PLCG2: variants seen among roughly 807,000 people sequenced by gnomAD.
PLCG2 encodes the protein phospholipase C gamma 2.
In PLCG2, 69 loss-of-function variants were observed where a neutral mutation model predicts 175.6. The observed-to-expected ratio is 0.39, with a 90% confidence interval of 0.32 to 0.48. PLCG2 has a LOEUF of 0.48. PLCG2 is among the 20% of genes least tolerant of loss of function. The pLI is 0.91. For missense variants in PLCG2, 1,798 were observed against 1,650.9 expected, an observed-to-expected ratio of 1.09 and a Z score of -1.54; for synonymous variants, 827 against 624.0, an observed-to-expected ratio of 1.33 and a Z score of -4.85.
intron 2 of PLCG2, among the ~76,000 whole-genome samples, chr16:81,801,913 A>G (rs1181238087): frequency 1.3e-5 from 2 of 151,606 alleles, no homozygotes; most frequent in East Asian, 3.9e-4. Flanking sequence ...ACTCCTGACC[A>G]CAAGTGATCC....
At chr16:81,894,261 A>G (rs977464165) in intron 12 of PLCG2, among the ~76,000 whole-genome samples, 2 of 152,018 alleles carry the variant, frequency 1.3e-5, no homozygotes, top group Admixed American at 6.5e-5. Flanking sequence ...AGATCGTATC[A>G]TTACGAAAAG....
Position 81,900,727 on chromosome 16 carries a change from A to T in PLCG2, c.1309A>T (p.Ser437Cys), listed in dbSNP as rs200137340. ...GCTGTTGACGAAGCCCACGGAGGCC[A>T]GTGCTGACCAGCTGCCCTCGCCCAG... Reference protein sequence around the residue: ...DLLLTKPTEASADQLPSPSQL... With the variant: ...DLLLTKPTEACADQLPSPSQL... The change falls in exon 14 of 33, where the codon AGT becomes TGT. Residue 437 changes from serine to cysteine, a missense_variant. Physicochemically the swap from Ser to Cys is moderately radical, Grantham distance 112. Transcript: ENST00000564138. The T allele has an allele frequency of 6.2e-7, 1 of 1,611,742 alleles. No individual in the cohort carries two copies. The highest frequency in any genetic ancestry group is 8.5e-7 in the Non-Finnish European group (1 of 1,177,972).
rs572887218 is a variant in PLCG2, at chr16:81,861,045, AAAAACC to A, written c.479+1904_479+1909del. Among the ~76,000 whole-genome samples the A allele has an allele frequency of 6.1e-3, 924 of 152,216 alleles. 5 individuals carry two copies. The highest frequency in any genetic ancestry group is 0.034 in the Middle Eastern group (10 of 292). ...ACCCACCACGACAAGAAAAAACCAA[AAAAACC>A]AAAACCAAAACCAAAACCAAACCCT... On this transcript the variant is annotated intron_variant, in intron 5 of 32. Coordinates refer to ENST00000564138, the MANE Select transcript of PLCG2 (RefSeq NM_002661.5).
intron 7 of PLCG2, among the ~76,000 whole-genome samples, chr16:81,876,136 C>T (rs947353836): frequency 9.3e-5 from 14 of 149,948 alleles, no homozygotes; most frequent in African/African-American, 2.9e-4. Context: ...GATGATTCTC[C>T]CACCTCAGCC....
upstream of PLCG2, among the ~76,000 whole-genome samples, chr16:81,777,089 C>A (rs1305435312): frequency 6.6e-6 from 1 of 150,670 alleles, no homozygotes; most frequent in African/African-American, 2.5e-5. Context: ...CATTTTAACT[C>A]AAAAATACTA....
At position 81,889,176 on chromosome 16, in the gene PLCG2, A is replaced by T. The variant is rs45443101; in HGVS notation, c.770A>T (p.His257Leu). 0.035 allele frequency: 54,784 copies of T among 1,584,662 alleles called. 1,191 individuals are homozygous for T. Among genetic ancestry groups the T allele is most frequent in the Non-Finnish European group, 0.041 (47,304 of 1,157,690 alleles). ...CGTTCTCTTTGTCATTTTAAGGAGC[A>T]TTGGGCTCAGGATCTGAACAAAGTC... ...QRFLIHEQQE[H>L]WAQDLNKVRE... is the part of the protein sequence containing the mutation. The change falls in exon 10 of 33, where the codon CAT (histidine) becomes CTT (leucine). Residue 257 changes from histidine to leucine, a missense_variant. By Grantham distance (99) the His-to-Leu change is moderately conservative. Transcript: ENST00000564138.
rs1056323051 is a variant in PLCG2, at chr16:81,950,438, A to G, written c.3570+4175A>G. ...ATAAGACAAAAATTCCTACATATACAAAGACAACTGTATAAAGAAAAAATC... is the reference window on the plus strand; with the variant it reads ...ATAAGACAAAAATTCCTACATATACGAAGACAACTGTATAAAGAAAAAATC... On this transcript the variant is annotated intron_variant, in intron 31 of 32. Coordinates refer to ENST00000564138, the MANE Select transcript of PLCG2 (RefSeq NM_002661.5). Among the ~76,000 whole-genome samples the G allele has an allele frequency of 1.4e-4, 22 of 152,354 alleles. No individual in the cohort carries two copies. The East Asian group carries it at 2.5e-3, about 17-fold the overall frequency.
chr16:81,842,114 G>A (rs1333899258), intron 2 of PLCG2, among the ~76,000 whole-genome samples: 2 of 152,216 alleles, frequency 1.3e-5, no homozygotes, highest in African/African-American at 4.8e-5. Flanking sequence ...GGGATGCAAC[G>A]TGCCTGGTTC....
intron 31 of PLCG2, among the ~76,000 whole-genome samples, chr16:81,950,463 C>A (rs1214694490): frequency 6.6e-6 from 1 of 152,078 alleles, no homozygotes; most frequent in Non-Finnish European, 1.5e-5. Flanking sequence ...AAGAAAAAAT[C>A]TTTCAGAATT....
chr16:81,785,916 G>T (rs184923289), intron 1 of PLCG2, 27 bp from the exon 2 acceptor site: 2 of 1,399,906 alleles, frequency 1.4e-6, no homozygotes, highest in African/African-American at 2.9e-5. Context: ...ACTAAAATCA[G>T]TTCACTCTTT....
chr16:81,837,634 C>T (rs1290716718), intron 2 of PLCG2, among the ~76,000 whole-genome samples: 1 of 151,348 alleles, frequency 6.6e-6, no homozygotes, highest in Non-Finnish European at 1.5e-5. Context: ...TCTCAGTTCC[C>T]TTTCCGTCTT....
At chr16:81,833,406 G>A (rs1307967152) in intron 2 of PLCG2, among the ~76,000 whole-genome samples, 3 of 152,054 alleles carry the variant, frequency 2.0e-5, no homozygotes, top group Admixed American at 1.3e-4. Context: ...ATTCTGGCCC[G>A]GGGTGGCCGT....
intron 2 of PLCG2, among the ~76,000 whole-genome samples, chr16:81,835,040 A>C (rs547393559): frequency 6.6e-6 from 1 of 151,788 alleles, no homozygotes; most frequent in Non-Finnish European, 1.5e-5. Context: ...TCTCAGTGGG[A>C]GGAGGTGGAG....
At chr16:81,870,681 C>T (rs546382557) in intron 6 of PLCG2, among the ~76,000 whole-genome samples, 171 bp from the exon 7 acceptor site, 1 of 152,310 alleles carries the variant, frequency 6.6e-6, no homozygotes, top group South Asian at 2.1e-4. Flanking sequence ...AATAGCATGA[C>T]TTTTTCCTTT....
chr16:81,940,457 T>TGA (rs147564956), intron 30 of PLCG2, among the ~76,000 whole-genome samples: 2 of 151,650 alleles, frequency 1.3e-5, no homozygotes, highest in East Asian at 3.9e-4. Context: ...TTTGGCATCT[T>TGA]GGGGGGGGAG....
rs867793714 is a variant in PLCG2 at position 81,911,641 on chromosome 16, C to T, written c.1934+921C>T. Among the ~76,000 whole-genome samples, 11 of 151,708 alleles carry T rather than the reference C, an allele frequency of 7.3e-5. No individual in the cohort carries two copies. The South Asian group carries it at 1.0e-3, about 14-fold the overall frequency. On this transcript the variant is annotated intron_variant, in intron 18 of 32. Transcript: ENST00000564138. The stretch of plus-strand genomic sequence containing the variant: ...ATTAATTAATTTTGAGACCGGGTCT[C>T]GCTCTGTCTCCCAGGCTGGAGTGCA...
chr16:81,848,075 T>G (rs1906215686), intron 2 of PLCG2, among the ~76,000 whole-genome samples: 1 of 152,236 alleles, frequency 6.6e-6, no homozygotes, highest in South Asian at 2.1e-4. Flanking sequence ...ATCAGAGGAC[T>G]GCAAGACTTA....
In PLCG2 at chr16:81,958,224, C is replaced by T; in HGVS notation, c.*226C>T. On this transcript the variant is annotated 3_prime_UTR_variant, in exon 33 of 33. Coordinates refer to ENST00000564138, the MANE Select transcript of PLCG2 (RefSeq NM_002661.5). Reference sequence around the variant, plus strand: ...ACTTATATTCTTTATAGAGGATTCCCCAAAATGTGCTCCTCATTTTTGGCC... The same window carrying T: ...ACTTATATTCTTTATAGAGGATTCCTCAAAATGTGCTCCTCATTTTTGGCC... 1.8e-6 allele frequency: 1 copy of T among 540,632 alleles called. No individual in the cohort carries two copies. The highest frequency in any genetic ancestry group is 3.4e-6 in the Non-Finnish European group (1 of 297,916). 33.5% of individuals were successfully genotyped at this position (540,632 alleles called of 1,614,324 possible). A position where few individuals can be genotyped will look rare whatever the true frequency, so the allele number is the denominator to read the frequency against.
chr16:81,787,393 A>ATTTTTTTTTTTTTTT lies in PLCG2; in HGVS notation c.193+1215_193+1229dup, dbSNP rs67160306. ...TGCACCGCCATGCCTGGATAATTTA[A>ATTTTTTTTTTTTTTT]TTTTTTTTTTTTTTTTTTGTAGAGA... is the stretch of plus-strand genomic sequence containing the variant. On this transcript the variant is annotated intron_variant, in intron 2 of 32. Transcript: ENST00000564138. 4.3e-3 allele frequency among the ~76,000 whole-genome samples: 404 copies of ATTTTTTTTTTTTTTT among 94,536 alleles called. 8 individuals are homozygous for ATTTTTTTTTTTTTTT. The highest frequency in any genetic ancestry group is 9.3e-3 in the Middle Eastern group (1 of 108). The allele number at this position is 94,536 out of a possible 152,430, so 62.0% of individuals were successfully genotyped here. A position where few individuals can be genotyped will look rare whatever the true frequency, so the allele number is the denominator to read the frequency against.
Sources: allele counts gnomAD v4.1 joint callset (sites outside exome capture counted in the v4.1 genomes callset), GRCh38; gene constraint gnomAD v4.1.1; transcripts MANE v1.5; gene names NCBI Gene and HGNC (gene_info 2026-07-23, HGNC 2026-07-21).